The following NELL2 variants were observed in gnomAD, a reference collection of about 807,000 sequenced individuals.
NELL2 encodes the protein neural EGFL like 2.
NELL2 carries 41 observed loss-of-function variants against 109.6 expected under a neutral mutation model. The observed-to-expected ratio is 0.37, with a 90% CI of 0.29 to 0.49. The LOEUF (loss-of-function observed/expected upper bound fraction) is 0.49. NELL2 is among the 20% of genes least tolerant of loss of function. The probability of loss-of-function intolerance (pLI) is 0.98; values close to 1 mark genes in which losing one functional copy is unlikely to be tolerated. For missense variants in NELL2, 900 were observed against 1,008.3 expected, an observed-to-expected ratio of 0.89 and a Z score of 1.45; for synonymous variants, 355 against 344.7, an observed-to-expected ratio of 1.03 and a Z score of -0.33.
chr12:44,632,783 A>G (rs539486043), intron 13 of NELL2, among the ~76,000 whole-genome samples: 1 of 152,214 alleles, frequency 6.6e-6, no homozygotes, highest in Admixed American at 6.6e-5. Flanking sequence ...AGATACCCTG[A>G]CCAAATACAC....
intron 9 of NELL2, among the ~76,000 whole-genome samples, chr12:44,715,482 T>C (rs1236329319): frequency 6.6e-6 from 1 of 151,804 alleles, no homozygotes; most frequent in Non-Finnish European, 1.5e-5. Flanking sequence ...TTCCTTGTTT[T>C]GAAGTATTTC....
intron 19 of NELL2, among the ~76,000 whole-genome samples, chr12:44,510,534 G>T (rs1194480416): frequency 6.6e-6 from 1 of 152,190 alleles, no homozygotes; most frequent in African/African-American, 2.4e-5. Flanking sequence ...AACCTGAAAA[G>T]ATTTTGATAG....
At chr12:44,554,278 C>G (rs966325711) in intron 15 of NELL2, among the ~76,000 whole-genome samples, 2 of 152,102 alleles carry the variant, frequency 1.3e-5, no homozygotes, top group South Asian at 4.1e-4. Context: ...ACATGGATCT[C>G]TAACCAGCCT....
At chr12:44,692,539 A>G (rs555536222) in intron 12 of NELL2, among the ~76,000 whole-genome samples, 53 of 152,278 alleles carry the variant, frequency 3.5e-4, no homozygotes, top group African/African-American at 9.4e-4. Flanking sequence ...TTAAGACTAT[A>G]GCTGCCATAG....
intron 9 of NELL2, among the ~76,000 whole-genome samples, chr12:44,718,679 C>T (rs912716863): frequency 1.3e-5 from 2 of 152,202 alleles, no homozygotes; most frequent in African/African-American, 4.8e-5. Context: ...TGTGTATATA[C>T]TTTAAGATAT....
intron 13 of NELL2, among the ~76,000 whole-genome samples, chr12:44,631,235 A>T (rs985822841): frequency 6.8e-6 from 1 of 147,712 alleles, no homozygotes; most frequent in African/African-American, 2.4e-5. Flanking sequence ...TATATATATA[A>T]ATAATATATA....
At chr12:44,835,036 G>A (rs368519431) in intron 2 of NELL2, among the ~76,000 whole-genome samples, 1 of 152,242 alleles carries the variant, frequency 6.6e-6, no homozygotes, top group East Asian at 1.9e-4. Context: ...CAAGAACAGG[G>A]AGGTCTCACA....
At chr12:44,723,897 A>C (rs1938926479) in intron 9 of NELL2, among the ~76,000 whole-genome samples, 1 of 152,058 alleles carries the variant, frequency 6.6e-6, no homozygotes, top group Non-Finnish European at 1.5e-5. Context: ...CTGGATATAT[A>C]CCCAAGGAAA....
At chr12:44,565,706 C>T (rs1315240148) in intron 15 of NELL2, among the ~76,000 whole-genome samples, 2 of 152,124 alleles carry the variant, frequency 1.3e-5, no homozygotes, top group Admixed American at 6.6e-5. Flanking sequence ...TTTTAAATGT[C>T]TCTGGGCATA....
intron 13 of NELL2, among the ~76,000 whole-genome samples, chr12:44,651,217 T>C (rs1358414619): frequency 6.6e-6 from 1 of 152,190 alleles, no homozygotes; most frequent in Non-Finnish European, 1.5e-5. Context: ...ATGAAACCAG[T>C]CCCTGGTGCC....
chr12:44,527,365 T>A (rs560734713), intron 16 of NELL2, among the ~76,000 whole-genome samples: 24 of 152,158 alleles, frequency 1.6e-4, no homozygotes, highest in African/African-American at 5.8e-4. Context: ...TTAGGCACAG[T>A]GGAAATGGGG....
chr12:44,518,455 C>T (rs1043686381), intron 19 of NELL2, among the ~76,000 whole-genome samples: 1 of 152,090 alleles, frequency 6.6e-6, no homozygotes, highest in African/African-American at 2.4e-5. Flanking sequence ...CCGTGTTAGC[C>T]AGGATGGTCT....
At chr12:44,754,982 T>C (rs1940820066) in intron 9 of NELL2, among the ~76,000 whole-genome samples, 2 of 152,302 alleles carry the variant, frequency 1.3e-5, no homozygotes, top group African/African-American at 4.8e-5. Flanking sequence ...CCCAATGAAC[T>C]AGATCCATTC....
At chr12:44,856,923 T>C (rs1944701984) in intron 2 of NELL2, among the ~76,000 whole-genome samples, 1 of 152,060 alleles carries the variant, frequency 6.6e-6, no homozygotes, top group Admixed American at 6.6e-5. Context: ...GCAGATTACT[T>C]AGGAGGCTAC....
chr12:44,863,631 C>T (rs994763381), intron 2 of NELL2, among the ~76,000 whole-genome samples: 2 of 152,120 alleles, frequency 1.3e-5, no homozygotes, highest in African/African-American at 2.4e-5. Flanking sequence ...TCCATCATCA[C>T]CAGACCTGTC....
At chr12:44,714,809 C>T (rs1356294803) in intron 9 of NELL2, 68 bp from the exon 10 acceptor site, 10 of 958,540 alleles carry the variant, frequency 1.0e-5, no homozygotes, top group South Asian at 1.8e-5. Flanking sequence ...ATCAGATCAT[C>T]TTGTAACAGC....
chr12:44,747,027 T>C (rs1029465481), intron 9 of NELL2, among the ~76,000 whole-genome samples: 3 of 152,124 alleles, frequency 2.0e-5, no homozygotes, highest in African/African-American at 4.8e-5. Context: ...CTATTCACAA[T>C]AGCAAAGACT....
At chr12:44,783,941 T>A (rs529194328) in intron 3 of NELL2, among the ~76,000 whole-genome samples, 35 of 152,134 alleles carry the variant, frequency 2.3e-4, no homozygotes, top group African/African-American at 7.2e-4. Context: ...TTAACAAATA[T>A]AATTCAGCAA....
rs138425893 is a variant in NELL2, at chr12:44,890,432, C to T, written c.39-14532G>A. Among the ~76,000 whole-genome samples the T allele has an allele frequency of 1.1e-4, 16 of 152,314 alleles. No homozygotes were observed. The East Asian group carries it at 2.3e-3, about 22-fold the overall frequency. On this transcript the variant is annotated intron_variant, in intron 1 of 20. Coordinates refer to the NELL2 transcript ENST00000333837. ...AAGTCAAGTAATTTGTTCAAAATCA[C>T]GCAACTAATTAATTTCAGAGTAGCT...
Sources: gnomAD v4.1 joint callset for allele counts (sites outside exome capture counted in the v4.1 genomes callset) on GRCh38, gnomAD v4.1.1 for gene constraint, MANE v1.5 for transcripts, NCBI Gene and HGNC (gene_info 2026-07-23, HGNC 2026-07-21) for gene names.